The following SEMA3E variants were observed in gnomAD, a reference collection of about 807,000 sequenced individuals.
SEMA3E encodes the protein semaphorin-3E.
Under a neutral mutation model 93.6 loss-of-function variants are expected in SEMA3E, and 49 were observed. The observed-to-expected ratio is 0.52, with a 90% CI of 0.42 to 0.66. The LOEUF (loss-of-function observed/expected upper bound fraction) is 0.66. SEMA3E is among the 30% of genes least tolerant of loss of function. SEMA3E has a pLI of 0.00. For synonymous variants in SEMA3E, 363 were observed against 330.7 expected, an observed-to-expected ratio of 1.10 and a Z score of -1.06; for missense variants, 906 against 964.8, an observed-to-expected ratio of 0.94 and a Z score of 0.81.
intron 16 of SEMA3E, among the ~76,000 whole-genome samples, chr7:83,375,217 A>G (rs1162084374): frequency 6.6e-6 from 1 of 152,146 alleles, no homozygotes; most frequent in African/African-American, 2.4e-5. Context: ...TAAATTTCCT[A>G]GTAACCAAAG....
chr7:83,431,950 T>A (rs1272520349), intron 4 of SEMA3E, among the ~76,000 whole-genome samples: 2 of 46,016 alleles, frequency 4.3e-5, no homozygotes, highest in East Asian at 1.4e-3. Context: ...AATTGGTGAC[T>A]TTTTTTTTTT....
chr7:83,556,313 C>T (rs1053619588), intron 1 of SEMA3E, among the ~76,000 whole-genome samples: 4 of 152,128 alleles, frequency 2.6e-5, no homozygotes, highest in African/African-American at 9.7e-5. Flanking sequence ...TTACATATGT[C>T]CATGCAAATA....
intron 1 of SEMA3E, among the ~76,000 whole-genome samples, chr7:83,614,965 G>T (rs963577615): frequency 6.6e-6 from 1 of 152,032 alleles, no homozygotes; most frequent in Non-Finnish European, 1.5e-5. Context: ...CCTATCCATT[G>T]CTCTTAAATA....
At chr7:83,417,395 G>C (rs1311818688) in intron 5 of SEMA3E, among the ~76,000 whole-genome samples, 1 of 152,072 alleles carries the variant, frequency 6.6e-6, no homozygotes, top group African/African-American at 2.4e-5. Context: ...TCTAAATCAA[G>C]TATAATATGG....
chr7:83,379,902 A>T (rs1787744088), intron 16 of SEMA3E, among the ~76,000 whole-genome samples: 2 of 151,976 alleles, frequency 1.3e-5, no homozygotes, highest in South Asian at 4.1e-4. Context: ...TATTCTTCTT[A>T]CTTTTATTAA....
In SEMA3E at chr7:83,507,424, CTGTGTGTGTGTGTG is replaced by C. The variant is rs4016317; in HGVS notation, c.116-17164_116-17151del. On this transcript the variant is annotated intron_variant, in intron 1 of 16. Transcript: ENST00000643230. ...GGATTTATCACTTCAAAACAGAACT[CTGTGTGTGTGTGTG>C]TGTGTGTGTGTGTGTGTGTGTGTGT... 2.7e-3 allele frequency among the ~76,000 whole-genome samples: 342 copies of C among 125,998 alleles called. 1 individual carries two copies. Among genetic ancestry groups the C allele is most frequent in the South Asian group, 5.7e-3 (20 of 3,520 alleles). 82.7% of individuals were successfully genotyped at this position (125,998 alleles called of 152,430 possible).
chr7:83,477,278 C>T (rs1364878912), intron 2 of SEMA3E, among the ~76,000 whole-genome samples: 1 of 151,874 alleles, frequency 6.6e-6, no homozygotes, highest in East Asian at 1.9e-4. Flanking sequence ...TATTCTCTTC[C>T]TATTTCTATT....
intron 4 of SEMA3E, among the ~76,000 whole-genome samples, chr7:83,427,785 T>A (rs1002905429): frequency 4.6e-5 from 7 of 152,194 alleles, no homozygotes; most frequent in African/African-American, 1.7e-4. Flanking sequence ...GATGACATTT[T>A]CAGTGACCCC....
intron 4 of SEMA3E, among the ~76,000 whole-genome samples, chr7:83,463,855 C>G (rs1789691308): frequency 6.6e-6 from 1 of 152,136 alleles, no homozygotes; most frequent in Non-Finnish European, 1.5e-5. Context: ...ACATCAAGCT[C>G]GAGGATTTGC....
intron 1 of SEMA3E, among the ~76,000 whole-genome samples, chr7:83,491,023 A>G (rs1017037992): frequency 1.3e-5 from 2 of 151,934 alleles, no homozygotes; most frequent in Non-Finnish European, 2.9e-5. Flanking sequence ...GAGAATAAAA[A>G]CCCCAGGCCT....
At chr7:83,563,945 A>G (rs1246899132) in intron 1 of SEMA3E, among the ~76,000 whole-genome samples, 1 of 152,186 alleles carries the variant, frequency 6.6e-6, no homozygotes, top group Non-Finnish European at 1.5e-5. Flanking sequence ...TTTTATATGA[A>G]AACATTTCAA....
At chr7:83,437,307 A>C (rs1789024561) in intron 4 of SEMA3E, among the ~76,000 whole-genome samples, 1 of 152,192 alleles carries the variant, frequency 6.6e-6, no homozygotes, top group South Asian at 2.1e-4. Context: ...CAGATTGATC[A>C]ACAATCTAAA....
rs150039109 is a variant in SEMA3E, at chr7:83,645,836, T to G, written c.115+2592A>C. Among the ~76,000 whole-genome samples the G allele has an allele frequency of 1.9e-3, 286 of 152,008 alleles. 1 individual carries two copies. Among genetic ancestry groups the G allele is most frequent in the African/African-American group, 6.6e-3 (274 of 41,534 alleles). On this transcript the variant is annotated intron_variant, in intron 1 of 16. Transcript: ENST00000643230. ...CATTCCCAGAAATAGTAATGGAGAA[T>G]GAAGGGGAGAGGAAAAGGGCAAATC...
chr7:83,589,704 GAT>G (rs978245794), intron 1 of SEMA3E, among the ~76,000 whole-genome samples: 1 of 151,856 alleles, frequency 6.6e-6, no homozygotes, highest in Non-Finnish European at 1.5e-5. Context: ...TTATTAATAA[GAT>G]ATTTTTATTT....
chr7:83,621,208 T>C (rs746286339), intron 1 of SEMA3E, among the ~76,000 whole-genome samples: 27 of 151,770 alleles, frequency 1.8e-4, no homozygotes, highest in Admixed American at 4.6e-4. Flanking sequence ...ACAACAGGCA[T>C]GCAGAGAGCC....
intron 16 of SEMA3E, chr7:83,372,248 A>T: frequency 2.5e-6 from 1 of 398,114 alleles, no homozygotes; most frequent in African/African-American, 2.1e-5. Context: ...CTGATGAAAG[A>T]GGGCTACATC....
intron 1 of SEMA3E, among the ~76,000 whole-genome samples, chr7:83,546,365 T>C (rs916210665): frequency 9.6e-6 from 1 of 104,172 alleles, no homozygotes; most frequent in Non-Finnish European, 2.1e-5. Context: ...TGTGTGTGTG[T>C]TGAGAAAGGA....
At chr7:83,567,394 T>C (rs1792183965) in intron 1 of SEMA3E, among the ~76,000 whole-genome samples, 1 of 152,156 alleles carries the variant, frequency 6.6e-6, no homozygotes, top group South Asian at 2.1e-4. Flanking sequence ...AACTGTACTT[T>C]TAACCAAATG....
At chr7:83,600,486 A>AT (rs71522671) in intron 1 of SEMA3E, among the ~76,000 whole-genome samples, 1,924 of 62,926 alleles carry the variant, frequency 0.031, 87 homozygotes, top group Non-Finnish European at 0.038. Flanking sequence ...CGCCCAGCTA[A>AT]TTTTTTTTTT....
Sources: gnomAD v4.1 joint callset for allele counts (sites outside exome capture counted in the v4.1 genomes callset) on GRCh38, gnomAD v4.1.1 for gene constraint, MANE v1.5 for transcripts, NCBI Gene and HGNC (gene_info 2026-07-23, HGNC 2026-07-21) for gene names.